Variants in FAT4 observed in about 807,000 individuals in gnomAD.
FAT4 encodes FAT atypical cadherin 4.
Under a neutral mutation model 303.9 loss-of-function variants are expected in FAT4, and 84 were observed. The ratio of observed to expected loss-of-function variants is 0.28; its 90% CI spans 0.23 to 0.33. The LOEUF is 0.33. Among genes scored for constraint, FAT4 ranks in the 10% least tolerant of loss-of-function variants. The pLI, the probability that FAT4 is intolerant of heterozygous loss-of-function variation, is 1.00. For missense variants in FAT4, 6,005 were observed against 6,146.8 expected (o/e 0.98, Z 0.77); for synonymous variants, 2,307 against 2,298.8 (o/e 1.00, Z -0.10).
chr4:125,441,491 A>G (rs1307168137), intron 8 of FAT4, among the ~76,000 whole-genome samples: 2 of 152,198 alleles, frequency 1.3e-5, no homozygotes, highest in African/African-American at 4.8e-5. Flanking sequence ...TTCTTTCTGC[A>G]TCTAAGGAGA....
intron 2 of FAT4, among the ~76,000 whole-genome samples, chr4:125,349,887 T>C (rs767996857): frequency 6.6e-6 from 1 of 151,622 alleles, no homozygotes; most frequent in Non-Finnish European, 1.5e-5. Context: ...AGTGCTTCAG[T>C]TGGGCCCTAA....
chr4:125,420,418 C>A (rs1375904130), intron 7 of FAT4, among the ~76,000 whole-genome samples: 1 of 152,146 alleles, frequency 6.6e-6, no homozygotes, highest in African/African-American at 2.4e-5. Flanking sequence ...ATTTGAAAGA[C>A]AACCTATTAT....
chr4:125,480,451 G>T (rs1727186753), intron 15 of FAT4, among the ~76,000 whole-genome samples: 1 of 151,916 alleles, frequency 6.6e-6, no homozygotes, highest in Non-Finnish European at 1.5e-5. Flanking sequence ...ATTAGAAAAT[G>T]GTGCTCTCTA....
chr4:125,322,870 T>C (rs1731010462), intron 2 of FAT4, among the ~76,000 whole-genome samples: 1 of 152,064 alleles, frequency 6.6e-6, no homozygotes, highest in Admixed American at 6.6e-5. Flanking sequence ...CAATTTTATC[T>C]TTACCTACAT....
intron 16 of FAT4, among the ~76,000 whole-genome samples, chr4:125,484,060 TACACACACACACAC>T (rs34883833): frequency 2.2e-5 from 3 of 138,160 alleles, no homozygotes; most frequent in East Asian, 2.1e-4. Context: ...CAGACACACA[TACACACACACACAC>T]ACACACACAC....
At chr4:125,329,247 C>A (rs1020534082) in intron 2 of FAT4, among the ~76,000 whole-genome samples, 1 of 152,090 alleles carries the variant, frequency 6.6e-6, no homozygotes, top group African/African-American at 2.4e-5. Flanking sequence ...AATCTACTCC[C>A]ATCAGACTTG....
At chr4:125,339,896 T>C (rs558662037) in intron 2 of FAT4, among the ~76,000 whole-genome samples, 1 of 152,260 alleles carries the variant, frequency 6.6e-6, no homozygotes, top group African/African-American at 2.4e-5. Context: ...ATTGTACATC[T>C]ATAATATAAT....
At position 125,451,494 on chromosome 4, in the gene FAT4, G is replaced by A; in HGVS notation, c.10484G>A (p.Ser3495Asn). The change falls in exon 10 of 18, where the codon AGT (serine) becomes AAT (asparagine). Residue 3495 changes from serine to asparagine, a missense_variant. Physicochemically the swap from Ser to Asn is conservative, Grantham distance 46. Coordinates refer to ENST00000394329, the MANE Select transcript of FAT4 (RefSeq NM_001291303.3). The stretch of plus-strand genomic sequence containing the variant: ...TCAGGGACCCCCTCAGCTACAGGTA[G>A]TGCCTCTTTATTAGTCACCCTGGAA... ...VDSGTPSATG[S>N]ASLLVTLEDI... is the part of the protein sequence containing the mutation. 1.2e-6 allele frequency: 2 copies of A among 1,614,146 alleles called. No individual in the cohort carries two copies. The highest frequency in any genetic ancestry group is 1.7e-6 in the Non-Finnish European group (2 of 1,180,014).
intron 2 of FAT4, among the ~76,000 whole-genome samples, chr4:125,330,552 A>G (rs1037901141): frequency 2.6e-5 from 4 of 152,188 alleles, no homozygotes; most frequent in Non-Finnish European, 5.9e-5. Context: ...TATAATGTTG[A>G]TTATTGTTTG....
chr4:125,405,781 T>G (rs1488029562), intron 3 of FAT4, among the ~76,000 whole-genome samples: 2 of 152,022 alleles, frequency 1.3e-5, no homozygotes, highest in African/African-American at 4.8e-5. Context: ...GGATTACAGG[T>G]GTGAGCCACC....
At chr4:125,429,193 A>C (rs1171686083) in intron 7 of FAT4, among the ~76,000 whole-genome samples, 1 of 152,166 alleles carries the variant, frequency 6.6e-6, no homozygotes, top group African/African-American at 2.4e-5. Context: ...CAGACTATAA[A>C]AGTATAGTCC....
At chr4:125,383,871 C>T (rs554501838) in intron 2 of FAT4, among the ~76,000 whole-genome samples, 2 of 152,052 alleles carry the variant, frequency 1.3e-5, no homozygotes, top group Non-Finnish European at 2.9e-5. Context: ...CCATGGAAAT[C>T]CTTTTTATTA....
intron 10 of FAT4, among the ~76,000 whole-genome samples, chr4:125,461,956 T>A (rs1309466299): frequency 6.6e-6 from 1 of 151,996 alleles, no homozygotes; most frequent in African/African-American, 2.4e-5. Context: ...TGTAGTACAC[T>A]GCTACAATAC....
rs780508870 is a variant in FAT4, at chr4:125,317,864, A to G, written c.1453A>G (p.Ser485Gly). 6.2e-7 allele frequency: 1 copy of G among 1,614,010 alleles called. No individual in the cohort carries two copies. The highest frequency in any genetic ancestry group is 8.5e-7 in the Non-Finnish European group (1 of 1,180,018). ...ACAGCAAGTGTACAGAGTGAACCTG[A>G]GCGAGGAGGCGCCTCCGGGAAGCTA... ...FSQQVYRVNLSEEAPPGSYVS... is the reference protein window; with the variant it reads ...FSQQVYRVNLGEEAPPGSYVS... Residue 485 changes from serine to glycine, a missense_variant, in exon 2 of 18, where the codon AGC becomes GGC. Transcript: ENST00000394329. The surrounding 1 kb of genome is among the most constrained non-coding windows in gnomAD (Gnocchi z 7.0).
chr4:125,398,729 G>A, intron 2 of FAT4, 55 bp from the exon 3 acceptor site: 2 of 1,551,554 alleles, frequency 1.3e-6, no homozygotes, highest in South Asian at 1.2e-5. Context: ...CATTTTAATT[G>A]GTATCTTGCA....
intron 8 of FAT4, among the ~76,000 whole-genome samples, chr4:125,441,901 C>T (rs903509316): frequency 6.6e-6 from 1 of 152,130 alleles, no homozygotes; most frequent in African/African-American, 2.4e-5. Flanking sequence ...ATATCTTTGA[C>T]CAGGGCTTGG....
chr4:125,484,725 C>A (rs1727348523), intron 16 of FAT4, among the ~76,000 whole-genome samples: 1 of 152,050 alleles, frequency 6.6e-6, no homozygotes, highest in Non-Finnish European at 1.5e-5. Flanking sequence ...GTGCTATAAA[C>A]CTGTATGGCA....
At chr4:125,439,340 T>C (rs1725567042) in intron 8 of FAT4, among the ~76,000 whole-genome samples, 5 of 151,468 alleles carry the variant, frequency 3.3e-5, no homozygotes, top group Non-Finnish European at 5.9e-5. Flanking sequence ...CTTTTCTTTT[T>C]TTTTTTTTTT....
At position 125,317,943 on chromosome 4, in the gene FAT4, G is replaced by A. The variant is rs765408492; in HGVS notation, c.1532G>A (p.Arg511His). 5.6e-6 allele frequency: 9 copies of A among 1,614,022 alleles called. No homozygotes were observed. Among genetic ancestry groups the A allele is most frequent in the African/African-American group, 4.0e-5 (3 of 74,914 alleles). Residue 511 changes from arginine to histidine, a missense_variant, in exon 2 of 18, where the codon CGT (arginine) becomes CAT (histidine). Arg to His is a conservative substitution (Grantham distance 29). Transcript: ENST00000394329. The surrounding 1 kb of genome is among the most constrained non-coding windows in gnomAD (Gnocchi z 7.0). Reference protein sequence around the residue: ...DGDSGLNANLRYSIVSGNGLG... With the variant: ...DGDSGLNANLHYSIVSGNGLG... ...GACTCTGGTCTCAATGCTAATCTGC[G>A]TTACAGCATTGTCTCTGGCAATGGA...
Sources: allele counts gnomAD v4.1 joint callset (sites outside exome capture counted in the v4.1 genomes callset), GRCh38; gene constraint gnomAD v4.1.1; non-coding constraint Gnocchi (gnomAD v3.1); transcripts MANE v1.5; gene names NCBI Gene and HGNC (gene_info 2026-07-23, HGNC 2026-07-21).